STON2: variants seen among roughly 807,000 people sequenced by gnomAD.
The protein encoded by STON2 is stonin-2.
In STON2, 29 loss-of-function variants were observed where a neutral mutation model predicts 65.7. The ratio of observed to expected loss-of-function variants is 0.44; its 90% CI spans 0.33 to 0.60. STON2 has a LOEUF of 0.60. Ranked by LOEUF, STON2 falls within the 20% of genes least tolerant of loss-of-function variation. The pLI, the probability that STON2 is intolerant of heterozygous loss-of-function variation, is 0.03. For synonymous variants in STON2, 404 were observed against 414.2 expected, an observed-to-expected ratio of 0.98 and a Z score of 0.30; for missense variants, 1,054 against 1,118.1, an observed-to-expected ratio of 0.94 and a Z score of 0.82.
At chr14:81,324,597 T>C (rs2140249870) in intron 4 of STON2, among the ~76,000 whole-genome samples, 1 of 152,362 alleles carries the variant, frequency 6.6e-6, no homozygotes, top group South Asian at 2.1e-4. Flanking sequence ...CAAACCTGGA[T>C]GTGATTTAAA....
At chr14:81,344,185 A>G (rs1897727193) in intron 4 of STON2, among the ~76,000 whole-genome samples, 2 of 152,170 alleles carry the variant, frequency 1.3e-5, no homozygotes, top group African/African-American at 2.4e-5. Flanking sequence ...CCCGTAAGAT[A>G]TTTCATTTTA....
At chr14:81,276,107 T>A (rs1029887639) in intron 6 of STON2, among the ~76,000 whole-genome samples, 3 of 152,178 alleles carry the variant, frequency 2.0e-5, no homozygotes, top group African/African-American at 7.2e-5. Flanking sequence ...CTAAGAAATA[T>A]GTGTATTAGT....
intron 2 of STON2, among the ~76,000 whole-genome samples, chr14:81,420,296 T>C (rs1901641198): frequency 6.6e-6 from 1 of 152,204 alleles, no homozygotes; most frequent in Admixed American, 6.5e-5. Flanking sequence ...GAATCAATGC[T>C]GGTATGCAAT....
Position 81,358,057 on chromosome 14 carries a change from A to T in STON2, c.571+12931T>A, listed in dbSNP as rs546279791. Among the ~76,000 whole-genome samples, 27 of 151,610 alleles carry T rather than the reference A, an allele frequency of 1.8e-4. No individual in the cohort carries two copies. The East Asian group carries it at 1.9e-3, about 11-fold the overall frequency. ...GTATAAAAATAAAATTAAAAAAATT[A>T]AAAAAAAAGAAAGCACAAAACCCAA... On this transcript the variant is annotated intron_variant, in intron 4 of 7. Transcript: ENST00000614646.
intron 2 of STON2, among the ~76,000 whole-genome samples, chr14:81,421,914 G>A (rs953838027): frequency 6.6e-6 from 1 of 152,156 alleles, no homozygotes; most frequent in Non-Finnish European, 1.5e-5. Flanking sequence ...GATTTGGACT[G>A]GGTAACTCAG....
At chr14:81,295,178 A>G (rs933281452) in intron 5 of STON2, among the ~76,000 whole-genome samples, 6 of 152,158 alleles carry the variant, frequency 3.9e-5, no homozygotes, top group African/African-American at 1.4e-4. Context: ...CGAAAAAATT[A>G]GCCGGCTGTG....
intron 4 of STON2, among the ~76,000 whole-genome samples, chr14:81,338,975 A>G (rs186529957): frequency 6.6e-5 from 10 of 152,314 alleles, no homozygotes; most frequent in Admixed American, 3.9e-4. Context: ...CCATAAACCA[A>G]GACCCAAAGG....
intron 5 of STON2, among the ~76,000 whole-genome samples, chr14:81,308,824 A>ATATATATATATATGTG (rs1479394128): frequency 1.9e-4 from 2 of 10,460 alleles, no homozygotes; most frequent in Non-Finnish European, 3.6e-4. Flanking sequence ...ATATATATAT[A>ATATATATATATATGTG]TGTGTGTGTG....
intron 4 of STON2, among the ~76,000 whole-genome samples, chr14:81,368,392 A>G (rs1898833915): frequency 6.6e-6 from 1 of 152,218 alleles, no homozygotes; most frequent in Non-Finnish European, 1.5e-5. Flanking sequence ...GACACTCAGT[A>G]AGTGCTAGCT....
At chr14:81,271,039 C>T (rs1309616690) in intron 6 of STON2, among the ~76,000 whole-genome samples, 167 bp from the exon 7 acceptor site, 6 of 152,166 alleles carry the variant, frequency 3.9e-5, no homozygotes, top group African/African-American at 1.2e-4. Flanking sequence ...GCAGAATTCA[C>T]GCTCCTGTAT....
At chr14:81,424,185 T>C (rs927776787) in intron 2 of STON2, among the ~76,000 whole-genome samples, 1 of 152,200 alleles carries the variant, frequency 6.6e-6, no homozygotes, top group Non-Finnish European at 1.5e-5. Context: ...GGCTCATGCC[T>C]ATAATCCCAG....
At chr14:81,367,459 G>A (rs903520649) in intron 4 of STON2, among the ~76,000 whole-genome samples, 2 of 152,202 alleles carry the variant, frequency 1.3e-5, no homozygotes, top group Non-Finnish European at 2.9e-5. Flanking sequence ...ATACAGGCAC[G>A]AGCCACCATG....
chr14:81,383,312 C>A (rs1158217880), intron 3 of STON2, among the ~76,000 whole-genome samples: 1 of 152,052 alleles, frequency 6.6e-6, no homozygotes, highest in African/African-American at 2.4e-5. Context: ...GTACAAACCT[C>A]CTAAGGGGAT....
rs917979876 is a variant in STON2 at position 81,423,930 on chromosome 14, C to T, written c.-199+3172G>A. ...AGAGTCGATGTCTGTTGACTGAGGC[C>T]TGGCTGCTTTGGTAGAGTGGAGTCT... is the stretch of plus-strand genomic sequence containing the variant. On this transcript the variant is annotated intron_variant, in intron 2 of 8. Transcript: ENST00000553821. Among the ~76,000 whole-genome samples the T allele has an allele frequency of 5.3e-5, 8 of 152,318 alleles. No individual in the cohort carries two copies. In the East Asian group the frequency reaches 1.5e-3, roughly 29 times the overall value.
intron 3 of STON2, among the ~76,000 whole-genome samples, chr14:81,380,135 AATC>A (rs1899444281): frequency 6.6e-6 from 1 of 152,246 alleles, no homozygotes; most frequent in Non-Finnish European, 1.5e-5. Flanking sequence ...AAGAAACTTA[AATC>A]AACAAGCAAA....
chr14:81,280,330 G>T (rs539062726), intron 5 of STON2, among the ~76,000 whole-genome samples: 1 of 152,194 alleles, frequency 6.6e-6, no homozygotes, highest in Non-Finnish European at 1.5e-5. Flanking sequence ...TCTGATGAAG[G>T]AACAGCACAG....
chr14:81,353,110 G>C (rs1468774237), intron 4 of STON2, among the ~76,000 whole-genome samples: 2 of 151,872 alleles, frequency 1.3e-5, no homozygotes, highest in Non-Finnish European at 2.9e-5. Flanking sequence ...ACATCTACAT[G>C]AATTAATTCA....
intron 7 of STON2, 80 bp downstream of exon 7, chr14:81,270,590 G>A: frequency 1.2e-6 from 2 of 1,612,726 alleles, no homozygotes; most frequent in South Asian, 2.2e-5. Flanking sequence ...AGTAAGCATG[G>A]CTAAAAGGAA....
intron 4 of STON2, among the ~76,000 whole-genome samples, chr14:81,352,368 A>G (rs1364142560): frequency 2.6e-5 from 4 of 152,200 alleles, no homozygotes; most frequent in African/African-American, 4.8e-5. Context: ...TGTTGCCTAC[A>G]TCCATAATTG....
Sources: gnomAD v4.1 joint callset for allele counts (sites outside exome capture counted in the v4.1 genomes callset) on GRCh38, gnomAD v4.1.1 for gene constraint, MANE v1.5 for transcripts, NCBI Gene and HGNC (gene_info 2026-07-23, HGNC 2026-07-21) for gene names.